The following DCPS variants were observed in gnomAD, a reference collection of about 807,000 sequenced individuals.
The protein encoded by DCPS is decapping enzyme, scavenger, also known as m7GpppX diphosphatase.
A neutral mutation model predicts 34.7 loss-of-function variants in DCPS; 27 were observed. The ratio of observed to expected loss-of-function variants is 0.78; its 90% CI spans 0.57 to 1.07. DCPS has a LOEUF of 1.07. Among genes scored for constraint, DCPS ranks in the 50% least tolerant of loss-of-function variants. DCPS has a pLI of 0.00. For synonymous variants in DCPS, 185 were observed against 185.7 expected (o/e 1.00, Z 0.03); for missense variants, 464 against 436.9 (o/e 1.06, Z -0.55).
In DCPS at chr11:126,343,823, G is replaced by C. The variant is rs1405662525; in HGVS notation, c.747+406G>C. Among the ~76,000 whole-genome samples, 7 of 152,220 alleles carry C rather than the reference G, an allele frequency of 4.6e-5. No individual in the cohort carries two copies. In the East Asian group the frequency reaches 1.3e-3, roughly 29 times the overall value. On this transcript the variant is annotated intron_variant, in intron 5 of 5. Transcript: ENST00000263579. ...GTGTACACGTGTGTCTCCTTGTCTAGATTGAAGACAGGCTGAATTCTGTAG... is the reference window on the plus strand; with the variant it reads ...GTGTACACGTGTGTCTCCTTGTCTACATTGAAGACAGGCTGAATTCTGTAG...
In DCPS at chr11:126,333,463, A is replaced by C. The variant is rs1232322116; in HGVS notation, c.522+1913A>C. Among the ~76,000 whole-genome samples the C allele has an allele frequency of 1.3e-5, 2 of 152,196 alleles. No individual in the cohort carries two copies. Among genetic ancestry groups the C allele is most frequent in the Non-Finnish European group, 2.9e-5 (2 of 68,046 alleles). ...GATAAGCACTCTGATGCCTAGACGA[A>C]CTACCGTGGTGATGCAGAGGGACAG... On this transcript the variant is annotated intron_variant, in intron 3 of 5. Coordinates refer to ENST00000263579, the MANE Select transcript of DCPS (RefSeq NM_014026.6). This position sits in a 1 kb window ranked among gnomAD's most constrained non-coding sequence, Gnocchi z 5.7.
chr11:126,304,930 TGAG>T (rs1951551052), intron 1 of DCPS, among the ~76,000 whole-genome samples: 1 of 151,904 alleles, frequency 6.6e-6, no homozygotes, highest in South Asian at 2.1e-4. Context: ...CAGGAACTAG[TGAG>T]GAGGCCTAGC....
chr11:126,306,485 A>C (rs1951566913), intron 1 of DCPS, 85 bp from the exon 2 acceptor site: 1 of 1,372,184 alleles, frequency 7.3e-7, no homozygotes, highest in South Asian at 1.7e-5. Context: ...TTGGGAATTC[A>C]AAGGCCCTGG....
At position 126,310,196 on chromosome 11, in the gene DCPS, T is replaced by A. The variant is rs142977583; in HGVS notation, c.376+3452T>A. The stretch of plus-strand genomic sequence containing the variant: ...TAAAACTTTGAGAGGCACTGGTCTT[T>A]AAAAAAACACCATCTGTATGCCGGC... On this transcript the variant is annotated intron_variant, in intron 2 of 5. Transcript: ENST00000263579. 4.5e-3 allele frequency among the ~76,000 whole-genome samples: 689 copies of A among 152,278 alleles called. 8 individuals are homozygous for A. The highest frequency in any genetic ancestry group is 0.016 in the African/African-American group (652 of 41,538).
chr11:126,328,342 G>A lies in DCPS; in HGVS notation c.377-3063G>A, dbSNP rs183281504. Among the ~76,000 whole-genome samples the A allele has an allele frequency of 3.1e-3, 479 of 152,234 alleles. 1 individual carries two copies. Among genetic ancestry groups the A allele is most frequent in the Middle Eastern group, 0.014 (4 of 294 alleles). ...TGAGGCTTTCGGTGGAGACCTGAGG[G>A]AAGCCAGGCCCCTTAGGAGTGAGTG... On this transcript the variant is annotated intron_variant, in intron 2 of 5. Transcript: ENST00000263579. This position sits in a 1 kb window ranked among gnomAD's most constrained non-coding sequence, Gnocchi z 6.6.
chr11:126,308,368 A>C (rs1406731332), intron 2 of DCPS, among the ~76,000 whole-genome samples: 1 of 152,160 alleles, frequency 6.6e-6, no homozygotes, highest in Non-Finnish European at 1.5e-5. Flanking sequence ...CTTGCCCCAC[A>C]GTCTTTTGAT....
intron 4 of DCPS, among the ~76,000 whole-genome samples, chr11:126,343,067 CAAAAAAA>C (rs34804017): frequency 9.8e-6 from 1 of 102,248 alleles, no homozygotes; most frequent in African/African-American, 4.1e-5. Context: ...GAGACTCTGT[CAAAAAAA>C]AAAAAAAAAA....
chr11:126,308,396 C>T (rs1951591121), intron 2 of DCPS, among the ~76,000 whole-genome samples: 1 of 152,182 alleles, frequency 6.6e-6, no homozygotes, highest in South Asian at 2.1e-4. Flanking sequence ...CTTTTCTGCC[C>T]TCCATGAAAG....
rs1951650435 is a variant in DCPS at position 126,315,481 on chromosome 11, G to C, written c.376+8737G>C. On this transcript the variant is annotated intron_variant, in intron 2 of 5. Transcript: ENST00000263579. The surrounding 1 kb of genome is among the most constrained non-coding windows in gnomAD (Gnocchi z 6.1). ...AGGCTGAAGTTGGAGGATTGCTTGAGCTCAGGAGGTCAAGGCTGCAGTGAA... is the reference window on the plus strand; with the variant it reads ...AGGCTGAAGTTGGAGGATTGCTTGACCTCAGGAGGTCAAGGCTGCAGTGAA... Among the ~76,000 whole-genome samples, 1 of 151,894 alleles carries C rather than the reference G, an allele frequency of 6.6e-6. No individual in the cohort carries two copies. Among genetic ancestry groups the C allele is most frequent in the Non-Finnish European group, 1.5e-5 (1 of 68,012 alleles).
chr11:126,321,300 G>A (rs997013067), intron 2 of DCPS, among the ~76,000 whole-genome samples: 1 of 151,790 alleles, frequency 6.6e-6, no homozygotes, highest in African/African-American at 2.4e-5. Context: ...CACCAGGTCT[G>A]GAAGAGATTC....
rs1366082547 is a variant in DCPS at position 126,329,227 on chromosome 11, T to C, written c.377-2178T>C. Among the ~76,000 whole-genome samples, 6 of 152,190 alleles carry C rather than the reference T, an allele frequency of 3.9e-5. No homozygotes were observed. Among genetic ancestry groups the C allele is most frequent in the Non-Finnish European group, 1.5e-5 (1 of 68,038 alleles). ...AGAGTGAGAAGCAAGAAAGAGTCTT[T>C]TGCTGCTCCTCAGAGAGTTGTGAGG... On this transcript the variant is annotated intron_variant, in intron 2 of 5. Coordinates refer to ENST00000263579, the MANE Select transcript of DCPS (RefSeq NM_014026.6). The surrounding 1 kb of genome is among the most constrained non-coding windows in gnomAD (Gnocchi z 5.0).
Position 126,331,783 on chromosome 11 carries a change from T to C in DCPS, c.522+233T>C, listed in dbSNP as rs527682409. On this transcript the variant is annotated intron_variant, in intron 3 of 5. Coordinates refer to ENST00000263579, the MANE Select transcript of DCPS (RefSeq NM_014026.6). The surrounding 1 kb of genome is among the most constrained non-coding windows in gnomAD (Gnocchi z 7.2). ...CTCAGGATCTATGTGCTCTGTGAGA[T>C]AATGAGGGCTGCAGAGAGAAATAGA... 5.3e-5 allele frequency among the ~76,000 whole-genome samples: 8 copies of C among 152,288 alleles called. No homozygotes were observed. The South Asian group carries it at 1.2e-3, about 24-fold the overall frequency.
chr11:126,326,090 C>A (rs1951736849), intron 2 of DCPS, among the ~76,000 whole-genome samples: 2 of 152,166 alleles, frequency 1.3e-5, no homozygotes, highest in Admixed American at 6.5e-5. Context: ...TGCACTCCAG[C>A]CTGGTGACAG....
At chr11:126,311,006 C>T (rs1951615171) in intron 2 of DCPS, among the ~76,000 whole-genome samples, 2 of 152,112 alleles carry the variant, frequency 1.3e-5, no homozygotes, top group African/African-American at 2.4e-5. Flanking sequence ...TTCCTCTGGT[C>T]ACTGGCAACT....
rs146497241 is a variant in DCPS, at chr11:126,332,690, C to A, written c.522+1140C>A. The stretch of plus-strand genomic sequence containing the variant: ...GGGAGACCTGTGTGCCGCCAGCCCC[C>A]TTCCCCAGCCTGGTTCAGCCCTGGT... On this transcript the variant is annotated intron_variant, in intron 3 of 5. Coordinates refer to ENST00000263579, the MANE Select transcript of DCPS (RefSeq NM_014026.6). The surrounding 1 kb of genome is among the most constrained non-coding windows in gnomAD (Gnocchi z 5.4). 1.6e-4 allele frequency among the ~76,000 whole-genome samples: 25 copies of A among 152,338 alleles called. No homozygotes were observed. The highest frequency in any genetic ancestry group is 6.0e-4 in the African/African-American group (25 of 41,586).
chr11:126,330,716 T>TAA (rs1951780862), intron 2 of DCPS, among the ~76,000 whole-genome samples: 1 of 24,070 alleles, frequency 4.2e-5, no homozygotes, highest in Admixed American at 4.5e-4. Flanking sequence ...TATATATATA[T>TAA]ATATTTTTTT....
chr11:126,330,713 ATATATATTTTTTTTTTTTTTT>A (rs1317767719), intron 2 of DCPS, among the ~76,000 whole-genome samples: 8 of 24,132 alleles, frequency 3.3e-4, no homozygotes, highest in Non-Finnish European at 5.2e-4. Context: ...ATATATATAT[ATATATATTTTTTTTTTTTTTT>A]TTTTTTTTTT....
intron 2 of DCPS, among the ~76,000 whole-genome samples, chr11:126,307,309 G>A (rs1288201750): frequency 2.0e-5 from 3 of 150,468 alleles, no homozygotes; most frequent in Non-Finnish European, 3.0e-5. Flanking sequence ...CTCCAGCCTG[G>A]GTGATGGAAC....
intron 2 of DCPS, among the ~76,000 whole-genome samples, chr11:126,316,970 T>A (rs1309242158): frequency 6.8e-6 from 1 of 147,532 alleles, no homozygotes; most frequent in Non-Finnish European, 1.5e-5. Context: ...TTTTTTTTTT[T>A]TTTTTTGAGA....
Sources: gnomAD v4.1 joint callset for allele counts (sites outside exome capture counted in the v4.1 genomes callset) on GRCh38, gnomAD v4.1.1 for gene constraint, Gnocchi (gnomAD v3.1) non-coding constraint, MANE v1.5 for transcripts, NCBI Gene and HGNC (gene_info 2026-07-23, HGNC 2026-07-21) for gene names.